The following TNKS variants were observed in gnomAD, a reference collection of about 807,000 sequenced individuals.
TNKS encodes tankyrase, also known as poly [ADP-ribose] polymerase tankyrase-1.
Under a neutral mutation model 135.8 loss-of-function variants are expected in TNKS, and 72 were observed. That is an observed-to-expected ratio of 0.53 (90% CI 0.44 to 0.64). The LOEUF is 0.64. Ranked by LOEUF, TNKS falls within the 30% of genes least tolerant of loss-of-function variation. The pLI is 0.00. For missense variants in TNKS, 1,769 were observed against 1,674.0 expected, an observed-to-expected ratio of 1.06 and a Z score of -0.99; for synonymous variants, 849 against 649.3, an observed-to-expected ratio of 1.31 and a Z score of -4.68.
intron 5 of TNKS, among the ~76,000 whole-genome samples, chr8:9,697,790 TACTG>T (rs1803588158): frequency 6.6e-6 from 1 of 152,098 alleles, no homozygotes; most frequent in Non-Finnish European, 1.5e-5. Context: ...AGACAATAGA[TACTG>T]ACAAATTTGC....
chr8:9,663,935 C>G (rs919582704), intron 3 of TNKS, among the ~76,000 whole-genome samples: 1 of 152,200 alleles, frequency 6.6e-6, no homozygotes, highest in African/African-American at 2.4e-5. Context: ...TTCACTGTGG[C>G]CAATTGATTA....
intron 5 of TNKS, among the ~76,000 whole-genome samples, chr8:9,689,850 C>T (rs542528623): frequency 6.6e-6 from 1 of 152,240 alleles, no homozygotes; most frequent in Non-Finnish European, 1.5e-5. Context: ...GGACCGATTC[C>T]CTCCTATGTA....
chr8:9,569,745 A>T (rs556923606), intron 1 of TNKS, among the ~76,000 whole-genome samples: 1 of 152,342 alleles, frequency 6.6e-6, no homozygotes, highest in African/African-American at 2.4e-5. Flanking sequence ...CTTTTAAAAG[A>T]CAATTGGCAT....
intron 5 of TNKS, among the ~76,000 whole-genome samples, chr8:9,699,119 T>C (rs774601483): frequency 1.1e-4 from 16 of 152,374 alleles, no homozygotes; most frequent in Non-Finnish European, 1.9e-4. Flanking sequence ...ATGTCCTAAA[T>C]GTTTGATGCT....
At chr8:9,596,136 C>T (rs1798777796) in intron 2 of TNKS, among the ~76,000 whole-genome samples, 1 of 152,022 alleles carries the variant, frequency 6.6e-6, no homozygotes, top group Admixed American at 6.6e-5. Flanking sequence ...TACATACATA[C>T]GTACATACAC....
intron 5 of TNKS, among the ~76,000 whole-genome samples, chr8:9,698,343 C>A (rs1803618952): frequency 7.2e-6 from 1 of 139,552 alleles, no homozygotes; most frequent in South Asian, 2.3e-4. Context: ...CTGCACATGG[C>A]CCCCTGTATC....
intron 3 of TNKS, among the ~76,000 whole-genome samples, chr8:9,658,936 T>C (rs1367949508): frequency 6.6e-6 from 1 of 152,214 alleles, no homozygotes; most frequent in Admixed American, 6.5e-5. Context: ...GTTGCAATCG[T>C]AGTCTTGGAT....
intron 3 of TNKS, among the ~76,000 whole-genome samples, chr8:9,654,893 G>C (rs1405353571): frequency 1.3e-5 from 2 of 149,612 alleles, no homozygotes; most frequent in African/African-American, 5.1e-5. Context: ...GTGCCGGACA[G>C]TGGGTGCAGG....
chr8:9,611,138 C>G (rs73537984), intron 2 of TNKS, among the ~76,000 whole-genome samples: 2,065 of 152,276 alleles, frequency 0.014, 47 homozygotes, highest in African/African-American at 0.046. Context: ...GTTATGCCAG[C>G]TGCTACATTT....
chr8:9,746,799 C>T (rs1806258432), intron 17 of TNKS, among the ~76,000 whole-genome samples: 1 of 151,556 alleles, frequency 6.6e-6, no homozygotes, highest in South Asian at 2.1e-4. Context: ...AAACGATCTG[C>T]ACAATGTCTT....
intron 26 of TNKS, chr8:9,772,247 AC>A (rs1450202870): frequency 2.7e-6 from 1 of 376,530 alleles, no homozygotes; most frequent in African/African-American, 2.1e-5. Context: ...TTACAGACTT[AC>A]TTTCAAAGGG....
chr8:9,715,732 G>T (rs914883467), intron 11 of TNKS, among the ~76,000 whole-genome samples: 1 of 152,090 alleles, frequency 6.6e-6, no homozygotes, highest in African/African-American at 2.4e-5. Context: ...AGAGTTACAA[G>T]AACATTGGAG....
At chr8:9,728,695 T>A (rs1446638649) in intron 13 of TNKS, among the ~76,000 whole-genome samples, 1 of 152,214 alleles carries the variant, frequency 6.6e-6, no homozygotes, top group Non-Finnish European at 1.5e-5. Context: ...TTGTCAATTA[T>A]GCTGTTTATA....
intron 1 of TNKS, chr8:9,575,488 A>G (rs1399327180): frequency 1.1e-6 from 1 of 929,844 alleles, no homozygotes; most frequent in Non-Finnish European, 1.3e-6. Flanking sequence ...AAGAAAAGAT[A>G]AGGAAAAATA....
chr8:9,777,468 C>T lies in TNKS; in HGVS notation c.*732C>T, dbSNP rs1808280725. ...GAGAAGGGCACAAACACCAACCTGA[C>T]TTAGGAACGCCTAAATTCAGAGAAG... On this transcript the variant is annotated 3_prime_UTR_variant, in exon 27 of 27. Coordinates refer to ENST00000310430, the MANE Select transcript of TNKS (RefSeq NM_003747.3). 1 of 152,290 alleles carries T rather than the reference C, an allele frequency of 6.6e-6. No homozygotes were observed. The highest frequency in any genetic ancestry group is 2.1e-4 in the South Asian group (1 of 4,832). The allele number at this position is 152,290 out of a possible 1,614,324, so 9.4% of individuals were successfully genotyped here. A position where few individuals can be genotyped will look rare whatever the true frequency, so the allele number is the denominator to read the frequency against.
intron 17 of TNKS, among the ~76,000 whole-genome samples, chr8:9,744,316 ATAAGAG>A (rs1198345796): frequency 1.3e-5 from 2 of 152,246 alleles, no homozygotes; most frequent in Non-Finnish European, 2.9e-5. Context: ...TTTATATCTT[ATAAGAG>A]TAAATCAATT....
intron 3 of TNKS, among the ~76,000 whole-genome samples, chr8:9,621,307 C>CTTTTTT (rs61318743): frequency 7.0e-6 from 1 of 142,616 alleles, no homozygotes; most frequent in Non-Finnish European, 1.5e-5. Flanking sequence ...CTTATTTTTG[C>CTTTTTT]TTTTTTTTTT....
At chr8:9,752,965 G>GAA (rs767596138) in intron 20 of TNKS, among the ~76,000 whole-genome samples, 4 of 97,276 alleles carry the variant, frequency 4.1e-5, no homozygotes, top group Admixed American at 1.1e-4. Context: ...ACCCTATCTC[G>GAA]AAAAAAAAAA....
At chr8:9,649,804 C>T (rs1801069888) in intron 3 of TNKS, among the ~76,000 whole-genome samples, 1 of 150,752 alleles carries the variant, frequency 6.6e-6, no homozygotes, top group Non-Finnish European at 1.5e-5. Flanking sequence ...GCCATTATTT[C>T]ATTCCTTTTT....
Sources: gnomAD v4.1 joint callset for allele counts (sites outside exome capture counted in the v4.1 genomes callset) on GRCh38, gnomAD v4.1.1 for gene constraint, MANE v1.5 for transcripts, NCBI Gene and HGNC (gene_info 2026-07-23, HGNC 2026-07-21) for gene names.